N4BP1: variants seen among roughly 807,000 people sequenced by gnomAD.
N4BP1 encodes the protein NEDD4 binding protein 1, also known as NEDD4-binding protein 1.
In N4BP1, 21 loss-of-function variants were observed where a neutral mutation model predicts 70.9. The observed-to-expected ratio is 0.30, with a 90% CI of 0.21 to 0.43. The LOEUF (loss-of-function observed/expected upper bound fraction) is 0.43, where lower values mean the gene tolerates loss of function less well. N4BP1 is among the 20% of genes least tolerant of loss of function. N4BP1 has a pLI of 1.00. For synonymous variants in N4BP1, 387 were observed against 394.6 expected (o/e 0.98, Z 0.23); for missense variants, 936 against 1,069.4 (o/e 0.88, Z 1.74).
At chr16:48,579,993 A>G (rs1964153170) in intron 1 of N4BP1, among the ~76,000 whole-genome samples, 1 of 152,276 alleles carries the variant, frequency 6.6e-6, no homozygotes, top group Admixed American at 6.5e-5. Flanking sequence ...GGGATAGACT[A>G]TAATACAATA....
chr16:48,553,376 C>T (rs1963703880), intron 3 of N4BP1, among the ~76,000 whole-genome samples, 163 bp downstream of exon 3: 1 of 152,202 alleles, frequency 6.6e-6, no homozygotes, highest in Admixed American at 6.5e-5. Flanking sequence ...GATGCTGTGG[C>T]ACTCTCTTCA....
At chr16:48,573,155 T>C (rs997318307) in intron 1 of N4BP1, among the ~76,000 whole-genome samples, 2 of 150,414 alleles carry the variant, frequency 1.3e-5, no homozygotes, top group African/African-American at 4.9e-5. Context: ...AAATTAAAAG[T>C]TGTACCAAAA....
intron 1 of N4BP1, among the ~76,000 whole-genome samples, chr16:48,572,372 A>C (rs1310761285): frequency 1.3e-5 from 2 of 152,200 alleles, no homozygotes. Flanking sequence ...CAGGACATAC[A>C]AAAGAATGAC....
chr16:48,599,155 A>T (rs954805862), intron 1 of N4BP1, among the ~76,000 whole-genome samples: 1 of 151,916 alleles, frequency 6.6e-6, no homozygotes, highest in Admixed American at 6.6e-5. Flanking sequence ...AATAACTATA[A>T]TTTTTTCTTT....
At chr16:48,576,036 T>C (rs1964087861) in intron 1 of N4BP1, among the ~76,000 whole-genome samples, 1 of 151,860 alleles carries the variant, frequency 6.6e-6, no homozygotes, top group Non-Finnish European at 1.5e-5. Flanking sequence ...TTTAGTATGC[T>C]ATTTTTTTTT....
chr16:48,574,901 G>A (rs1964070094), intron 1 of N4BP1, among the ~76,000 whole-genome samples: 1 of 152,192 alleles, frequency 6.6e-6, no homozygotes, highest in Non-Finnish European at 1.5e-5. Flanking sequence ...CTGGAAGTGT[G>A]GAAGTACTGG....
At chr16:48,575,070 T>C (rs1816533231) in intron 1 of N4BP1, among the ~76,000 whole-genome samples, 1 of 152,208 alleles carries the variant, frequency 6.6e-6, no homozygotes, top group Admixed American at 6.5e-5. Flanking sequence ...TTTTTTGGTG[T>C]CCCCAAAACA....
rs369876279 is a variant in N4BP1, at chr16:48,598,350, A to G, written c.198+11425T>C. ...GACACTAATAAAAACATTAATTAAC[A>G]AAATAATGGCAAAAGGCAGGGAGGA... On this transcript the variant is annotated intron_variant, in intron 1 of 6. Coordinates refer to ENST00000262384, the MANE Select transcript of N4BP1 (RefSeq NM_153029.4). 2.6e-4 allele frequency among the ~76,000 whole-genome samples: 39 copies of G among 152,318 alleles called. 1 individual carries two copies. The South Asian group carries it at 7.9e-3, about 31-fold the overall frequency.
intron 2 of N4BP1, among the ~76,000 whole-genome samples, chr16:48,557,958 T>A (rs925911524): frequency 6.6e-6 from 1 of 152,216 alleles, no homozygotes; most frequent in South Asian, 2.1e-4. Context: ...AAGGGCTGAT[T>A]TTTTTCCAAC....
chr16:48,552,433 C>T (rs983275727), intron 3 of N4BP1, among the ~76,000 whole-genome samples: 3 of 151,766 alleles, frequency 2.0e-5, no homozygotes, highest in African/African-American at 4.8e-5. Flanking sequence ...GGCGTGGTGG[C>T]TCCTGCCTGT....
rs753125536 is a variant in N4BP1, at chr16:48,560,880, G to C, written c.1763C>G (p.Ser588Cys). 1.2e-6 allele frequency: 2 copies of C among 1,613,948 alleles called. No individual in the cohort carries two copies. Among genetic ancestry groups the C allele is most frequent in the South Asian group, 2.2e-5 (2 of 91,086 alleles). The change falls in exon 2 of 7, where the codon TCC becomes TGC. Residue 588 changes from serine (S) to cysteine (C), a missense_variant. By Grantham distance (112) the Ser-to-Cys change is moderately radical. Around this residue, in one of 4 missense-constraint regions of N4BP1, gnomAD observed 515 missense variants for 491.7 expected, o/e 1.05. Transcript: ENST00000262384. ...AAACCTTTGAACCCCAGTAACTGAGGAATCAATATGATCAGAAGGTCCTGC... is the reference window on the plus strand; with the variant it reads ...AAACCTTTGAACCCCAGTAACTGAGCAATCAATATGATCAGAAGGTCCTGC... Reference protein sequence around the residue: ...RSAGPSDHIDSSVTGVQRFRD... With the variant: ...RSAGPSDHIDCSVTGVQRFRD...
At chr16:48,571,108 T>C (rs1964014650) in intron 1 of N4BP1, among the ~76,000 whole-genome samples, 1 of 152,224 alleles carries the variant, frequency 6.6e-6, no homozygotes, top group African/African-American at 2.4e-5. Flanking sequence ...CTCTATCTTA[T>C]CCAGAACTGG....
intron 1 of N4BP1, among the ~76,000 whole-genome samples, chr16:48,596,232 G>C (rs781159635): frequency 1.3e-5 from 2 of 151,910 alleles, no homozygotes; most frequent in Admixed American, 6.6e-5. Flanking sequence ...TTTAGATTTT[G>C]GTGAGCCACA....
intron 1 of N4BP1, among the ~76,000 whole-genome samples, chr16:48,594,245 G>C (rs1162815218): frequency 6.6e-6 from 1 of 152,168 alleles, no homozygotes; most frequent in Non-Finnish European, 1.5e-5. Flanking sequence ...TGTTTGGAAA[G>C]CTGAGTCTCC....
chr16:48,550,784 G>A (rs1165441311), intron 4 of N4BP1, among the ~76,000 whole-genome samples: 1 of 152,068 alleles, frequency 6.6e-6, no homozygotes, highest in Non-Finnish European at 1.5e-5. Flanking sequence ...CGGGCATGGT[G>A]GTGCTTGCCT....
intron 1 of N4BP1, among the ~76,000 whole-genome samples, chr16:48,608,021 C>T (rs894050596): frequency 6.6e-6 from 1 of 152,126 alleles, no homozygotes; most frequent in Non-Finnish European, 1.5e-5. Context: ...ACCACCACGC[C>T]GGGCTAATTT....
In N4BP1 at chr16:48,561,934, T is replaced by C. The variant is rs780959827; in HGVS notation, c.709A>G (p.Arg237Gly). 14 of 1,614,008 alleles carry C rather than the reference T, an allele frequency of 8.7e-6. No individual in the cohort carries two copies. The highest frequency in any genetic ancestry group is 1.2e-5 in the Non-Finnish European group (14 of 1,179,894). The change falls in exon 2 of 7, where the codon AGA becomes GGA. Residue 237 changes from arginine to glycine, a missense_variant. This residue lies in a region of N4BP1 where 515 missense variants were observed against 491.7 expected (regional missense o/e 1.05). Transcript: ENST00000262384. Reference sequence around the variant, plus strand: ...GAAACAGGAGTCCCAGCTTTATTTCTTGCCTCTTCCTGCAAAACAGTTTCA... The same window carrying C: ...GAAACAGGAGTCCCAGCTTTATTTCCTGCCTCTTCCTGCAAAACAGTTTCA... ...RDETVLQEEARNKAGTPVSEL... is the reference protein window; with the variant it reads ...RDETVLQEEAGNKAGTPVSEL...
chr16:48,561,199 T>C lies in N4BP1; in HGVS notation c.1444A>G (p.Ile482Val), dbSNP rs371090316. 39 of 1,613,906 alleles carry C rather than the reference T, an allele frequency of 2.4e-5. No individual in the cohort carries two copies. The African/African-American group carries it at 3.2e-4, about 13-fold the overall frequency. ...HEVWGSNQNY[I>V]CNTDPETDGL... The stretch of plus-strand genomic sequence containing the variant: ...TCAGTTTCAGGGTCTGTGTTACAAA[T>C]GTAGTTCTGGTTTGAACCCCAGACT... The change falls in exon 2 of 7, where the codon ATT (isoleucine) becomes GTT (valine). Residue 482 changes from isoleucine (I) to valine (V), a missense_variant. Transcript: ENST00000262384.
intron 1 of N4BP1, among the ~76,000 whole-genome samples, chr16:48,578,523 A>G (rs1383977769): frequency 3.3e-5 from 5 of 152,212 alleles, no homozygotes; most frequent in Non-Finnish European, 7.3e-5. Flanking sequence ...CCTTGGCCCA[A>G]GTTGCCTTTC....
Sources: gnomAD v4.1 joint callset for allele counts (sites outside exome capture counted in the v4.1 genomes callset) on GRCh38, gnomAD v4.1.1 for gene constraint, gnomAD v4.1.1 regional missense constraint, MANE v1.5 for transcripts, NCBI Gene and HGNC (gene_info 2026-07-23, HGNC 2026-07-21) for gene names.